APP: variants seen among roughly 807,000 people sequenced by gnomAD.
APP encodes amyloid-beta precursor protein.
In APP, 31 loss-of-function variants were observed where a neutral mutation model predicts 101.4. The observed-to-expected ratio is 0.31, with a 90% CI of 0.23 to 0.41. The LOEUF (loss-of-function observed/expected upper bound fraction) is 0.41, where lower values mean the gene tolerates loss of function less well. Ranked by LOEUF, APP falls within the 10% of genes least tolerant of loss-of-function variation. The pLI is 1.00. For missense variants in APP, 839 were observed against 1,003.7 expected (o/e 0.84, Z 2.22); for synonymous variants, 366 against 364.4 (o/e 1.00, Z -0.05).
At chr21:26,123,463 AAAG>A (rs1392744753) in intron 1 of APP, among the ~76,000 whole-genome samples, 1 of 152,234 alleles carries the variant, frequency 6.6e-6, no homozygotes, top group African/African-American at 2.4e-5. Context: ...TTGGAACACT[AAAG>A]AATACTCCAG....
Position 25,976,011 on chromosome 21 carries a change from T to C in APP, c.1242A>G (p.Glu414=), listed in dbSNP as rs2042211310. Residue 414 remains glutamate, a synonymous_variant, in exon 10 of 18, where the codon GAA becomes GAG. Transcript: ENST00000346798. ...ERMSQVMREW[E]EAERQAKNLP... is the part of the protein sequence containing the mutation. ...AGTTCTTTGCTTGACGTTCTGCCTCTTCCCATTCTCTCATGACCTATAAAT... is the reference window on the plus strand; with the variant it reads ...AGTTCTTTGCTTGACGTTCTGCCTCCTCCCATTCTCTCATGACCTATAAAT... 2 of 1,613,670 alleles carry C rather than the reference T, an allele frequency of 1.2e-6. No homozygotes were observed. Among genetic ancestry groups the C allele is most frequent in the Admixed American group, 3.3e-5 (2 of 60,006 alleles).
At chr21:26,142,391 G>A (rs1569026285) in intron 1 of APP, among the ~76,000 whole-genome samples, 1 of 152,286 alleles carries the variant, frequency 6.6e-6, no homozygotes, top group East Asian at 1.9e-4. Context: ...GGTGCATCCT[G>A]TGCTTATTTT....
intron 11 of APP, among the ~76,000 whole-genome samples, chr21:25,957,479 T>G (rs969257672): frequency 6.6e-6 from 1 of 152,206 alleles, no homozygotes; most frequent in African/African-American, 2.4e-5. Context: ...CGATGCTTGC[T>G]TGTTATTAAG....
intron 11 of APP, among the ~76,000 whole-genome samples, chr21:25,970,883 A>G (rs921444374): frequency 3.9e-5 from 6 of 152,186 alleles, no homozygotes; most frequent in Non-Finnish European, 5.9e-5. Flanking sequence ...CTTTATCCAT[A>G]GAAAGAAAAA....
intron 3 of APP, among the ~76,000 whole-genome samples, chr21:26,069,024 T>C (rs1048984866): frequency 7.2e-5 from 11 of 152,158 alleles, no homozygotes; most frequent in Admixed American, 5.9e-4. Flanking sequence ...GGTCAAAGTC[T>C]TTCCTATGTG....
At chr21:25,915,973 GTTTT>G (rs112703380) in intron 13 of APP, among the ~76,000 whole-genome samples, 1 of 143,564 alleles carries the variant, frequency 7.0e-6, no homozygotes, top group Admixed American at 7.0e-5. Context: ...CTTAGCCTTC[GTTTT>G]TTTTTTTTGG....
chr21:26,061,020 G>C (rs571342698), intron 3 of APP, among the ~76,000 whole-genome samples: 1 of 152,302 alleles, frequency 6.6e-6, no homozygotes, highest in East Asian at 1.9e-4. Flanking sequence ...CTTGCCCTAG[G>C]GGGTCAAGAC....
intron 1 of APP, among the ~76,000 whole-genome samples, chr21:26,127,363 C>G (rs1421690464): frequency 6.6e-6 from 1 of 152,112 alleles, no homozygotes; most frequent in East Asian, 1.9e-4. Context: ...ACAACTTAGA[C>G]AAACGGAGAA....
intron 2 of APP, among the ~76,000 whole-genome samples, chr21:26,091,671 G>C (rs1472857623): frequency 6.6e-6 from 1 of 152,290 alleles, no homozygotes; most frequent in Admixed American, 6.5e-5. Flanking sequence ...CCAACAGGTG[G>C]AGGAGCAAAG....
chr21:25,891,791 T>C lies in APP; in HGVS notation c.2142A>G (p.Thr714=). ...GCATCACCAAGGTGATGACGATCAC[T>C]GTCGCTATGACAACACCGCCCACCA... ...GLMVGGVVIA[T]VIVITLVMLK... The change falls in exon 17 of 18, where the codon ACA becomes ACG. Residue 714 remains threonine, a synonymous_variant. Coordinates refer to ENST00000346798, the MANE Select transcript of APP (RefSeq NM_000484.4). The C allele has an allele frequency of 6.2e-7, 1 of 1,614,184 alleles. No individual in the cohort carries two copies. The highest frequency in any genetic ancestry group is 1.1e-5 in the South Asian group (1 of 91,088).
intron 13 of APP, chr21:25,935,209 A>G (rs1438659212): frequency 1.3e-5 from 2 of 152,218 alleles, no homozygotes; most frequent in African/African-American, 2.4e-5. Flanking sequence ...CTGTGTCACA[A>G]CTAAATTTAC....
chr21:26,017,886 A>G (rs1418747708), intron 6 of APP, among the ~76,000 whole-genome samples: 4 of 152,230 alleles, frequency 2.6e-5, no homozygotes, highest in Admixed American at 2.0e-4. Flanking sequence ...TATTTTTTTA[A>G]CAACCAAAGA....
At chr21:25,997,279 G>C (rs2043091070) in intron 8 of APP, 81 bp downstream of exon 8, 2 of 1,306,868 alleles carry the variant, frequency 1.5e-6, no homozygotes, top group Non-Finnish European at 2.2e-6. Flanking sequence ...ACCATGCAAA[G>C]AAGGTGATGA....
chr21:26,143,531 T>C (rs149178310), intron 1 of APP, among the ~76,000 whole-genome samples: 1 of 152,342 alleles, frequency 6.6e-6, no homozygotes, highest in Non-Finnish European at 1.5e-5. Flanking sequence ...CTAATTAACA[T>C]ATCCATCACC....
intron 2 of APP, among the ~76,000 whole-genome samples, chr21:26,106,386 T>C (rs2062183381): frequency 6.6e-6 from 1 of 152,178 alleles, no homozygotes; most frequent in African/African-American, 2.4e-5. Context: ...ACAAATTGTT[T>C]AGGGGGTTTT....
chr21:26,117,276 A>G (rs1444297117), intron 1 of APP, among the ~76,000 whole-genome samples: 1 of 152,256 alleles, frequency 6.6e-6, no homozygotes, highest in East Asian at 1.9e-4. Flanking sequence ...ACCCCACAAG[A>G]GTGCTTTACA....
rs751797026 is a variant in APP, at chr21:25,881,630, G to A, written c.*40C>T. ...GGACACCGATGGGTAGTGAAGCAAT[G>A]GTTTTGCTGTCCAACTTCAGAGGCT... On this transcript the variant is annotated 3_prime_UTR_variant, in exon 18 of 18. Coordinates refer to ENST00000346798, the MANE Select transcript of APP (RefSeq NM_000484.4). The A allele has an allele frequency of 6.3e-7, 1 of 1,582,702 alleles. No individual in the cohort carries two copies. The highest frequency in any genetic ancestry group is 1.1e-5 in the South Asian group (1 of 90,438).
intron 3 of APP, among the ~76,000 whole-genome samples, chr21:26,083,190 C>T (rs1350179925): frequency 6.6e-6 from 1 of 152,182 alleles, no homozygotes; most frequent in Non-Finnish European, 1.5e-5. Context: ...CCGCCAATAA[C>T]TGTTATATAA....
intron 8 of APP, among the ~76,000 whole-genome samples, chr21:25,989,161 A>G (rs1203225490): frequency 6.6e-6 from 1 of 152,216 alleles, no homozygotes; most frequent in African/African-American, 2.4e-5. Context: ...TTTGAAGGGA[A>G]GTTACTTTAA....
Sources: gnomAD v4.1 joint callset for allele counts (sites outside exome capture counted in the v4.1 genomes callset) on GRCh38, gnomAD v4.1.1 for gene constraint, MANE v1.5 for transcripts, NCBI Gene and HGNC (gene_info 2026-07-23, HGNC 2026-07-21) for gene names.